Variants in PLPPR1 observed in about 807,000 individuals in gnomAD.
PLPPR1 encodes phospholipid phosphatase-related protein type 1.
PLPPR1 carries 10 observed loss-of-function variants against 33.1 expected under a neutral mutation model. The ratio of observed to expected loss-of-function variants is 0.30; its 90% CI spans 0.19 to 0.51. PLPPR1 has a LOEUF of 0.51. Ranked by LOEUF, PLPPR1 falls within the 20% of genes least tolerant of loss-of-function variation. The pLI, the probability that PLPPR1 is intolerant of heterozygous loss-of-function variation, is 0.97. For missense variants in PLPPR1, 304 were observed against 408.1 expected, an observed-to-expected ratio of 0.74 and a Z score of 2.20; for synonymous variants, 151 against 151.0, an observed-to-expected ratio of 1.00 and a Z score of 0.00.
At chr9:101,143,757 G>A (rs553379232) in intron 1 of PLPPR1, among the ~76,000 whole-genome samples, 21 of 152,190 alleles carry the variant, frequency 1.4e-4, no homozygotes, top group Non-Finnish European at 2.6e-4. Flanking sequence ...TTAGAATGGC[G>A]ATCATTAAAA....
rs774363945 is a variant in PLPPR1, at chr9:101,286,159, T to C, written c.308T>C (p.Ile103Thr). Residue 103 changes from isoleucine (I) to threonine (T), a missense_variant, in exon 4 of 8, where the codon ATT (isoleucine) becomes ACT (threonine). Transcript: ENST00000374874. Reference protein sequence around the residue: ...YFIKSTRESLIAQEKTILTGE... With the variant: ...YFIKSTRESLTAQEKTILTGE... ...ATAAAATCAACAAGAGAATCCCTGA[T>C]TGCTCAGGAGAAAACAATTCTGACC... The C allele has an allele frequency of 1.9e-6, 3 of 1,611,706 alleles. No homozygotes were observed. The highest frequency in any genetic ancestry group is 8.5e-7 in the Non-Finnish European group (1 of 1,177,832).
At chr9:101,180,684 A>C (rs956434660) in intron 1 of PLPPR1, among the ~76,000 whole-genome samples, 1 of 151,844 alleles carries the variant, frequency 6.6e-6, no homozygotes, top group Non-Finnish European at 1.5e-5. Context: ...CTGGATCTAC[A>C]CAAGCAGAAG....
In PLPPR1 at chr9:101,125,954, G is replaced by A. The variant is rs1325431394; in HGVS notation, c.-45-59496G>A. 17 of 262,800 alleles carry A rather than the reference G, an allele frequency of 6.5e-5. No individual in the cohort carries two copies. The Admixed American group carries it at 9.2e-4, about 14-fold the overall frequency. The allele number at this position is 262,800 out of a possible 1,614,324, so 16.3% of individuals were successfully genotyped here. On this transcript the variant is annotated intron_variant, in intron 1 of 7. Coordinates refer to ENST00000374874, the MANE Select transcript of PLPPR1 (RefSeq NM_207299.2). ...TCATTAAATCTGTTTTTCTCTAGCA[G>A]AGGCAGGTTAACCATGAAACTGAAG...
At chr9:101,103,286 C>T (rs1830935638) in intron 1 of PLPPR1, among the ~76,000 whole-genome samples, 1 of 94,014 alleles carries the variant, frequency 1.1e-5, no homozygotes, top group Non-Finnish European at 2.1e-5. Context: ...TTAGGTCTAA[C>T]GTTTAAATCT....
At chr9:101,165,981 C>T (rs1037989389) in intron 1 of PLPPR1, among the ~76,000 whole-genome samples, 29 of 152,196 alleles carry the variant, frequency 1.9e-4, no homozygotes, top group African/African-American at 7.0e-4. Context: ...TCATTCTTCT[C>T]TCACTCTCTG....
At chr9:101,063,673 C>T (rs894888261) in intron 1 of PLPPR1, among the ~76,000 whole-genome samples, 1 of 152,004 alleles carries the variant, frequency 6.6e-6, no homozygotes, top group African/African-American at 2.4e-5. Context: ...CTATGTTGTT[C>T]CTCTTCTAGG....
chr9:101,194,262 C>T (rs1826353419), intron 2 of PLPPR1, among the ~76,000 whole-genome samples: 1 of 152,144 alleles, frequency 6.6e-6, no homozygotes, highest in South Asian at 2.1e-4. Context: ...AACATTTTGA[C>T]ATTATTTAGT....
At chr9:101,054,750 C>T (rs904852698) in intron 1 of PLPPR1, among the ~76,000 whole-genome samples, 2 of 152,162 alleles carry the variant, frequency 1.3e-5, no homozygotes, top group South Asian at 2.1e-4. Context: ...AAATAATAAA[C>T]GAGCCTTCTT....
intron 4 of PLPPR1, 111 bp from the exon 5 acceptor site, chr9:101,309,100 T>C (rs1828907852): frequency 9.1e-7 from 1 of 1,104,700 alleles, no homozygotes; most frequent in Admixed American, 1.9e-5. Flanking sequence ...GGGGAGTACT[T>C]AGAATCATTT....
chr9:101,082,693 A>G (rs1830635516), intron 1 of PLPPR1, among the ~76,000 whole-genome samples: 3 of 152,130 alleles, frequency 2.0e-5, no homozygotes, highest in Admixed American at 6.5e-5. Context: ...CTGATTATTT[A>G]TTTGGCAAGG....
At chr9:101,090,109 A>G (rs1040472955) in intron 1 of PLPPR1, among the ~76,000 whole-genome samples, 2 of 152,142 alleles carry the variant, frequency 1.3e-5, no homozygotes, top group Non-Finnish European at 2.9e-5. Flanking sequence ...TTCACACAGC[A>G]TATTCTCCCT....
At chr9:101,094,219 A>C (rs1055293300) in intron 1 of PLPPR1, among the ~76,000 whole-genome samples, 1 of 152,208 alleles carries the variant, frequency 6.6e-6, no homozygotes, top group African/African-American at 2.4e-5. Flanking sequence ...CTAATCTCCT[A>C]TCAAGACACT....
chr9:101,046,218 T>C (rs34928680), intron 1 of PLPPR1, among the ~76,000 whole-genome samples: 2 of 152,126 alleles, frequency 1.3e-5, no homozygotes, highest in East Asian at 1.9e-4. Flanking sequence ...CCCTTTTTTT[T>C]CCCCAGAGCT....
intron 1 of PLPPR1, among the ~76,000 whole-genome samples, chr9:101,071,725 T>C (rs1337020906): frequency 1.3e-5 from 2 of 152,036 alleles, no homozygotes; most frequent in Non-Finnish European, 2.9e-5. Flanking sequence ...AAAAGAAATA[T>C]AAAGTTTAGA....
chr9:101,263,073 C>T (rs993620548), intron 2 of PLPPR1, among the ~76,000 whole-genome samples: 1 of 152,070 alleles, frequency 6.6e-6, no homozygotes, highest in African/African-American at 2.4e-5. Context: ...TTGATGGGTT[C>T]AGCAAACCAC....
chr9:101,249,999 G>C (rs1202378000), intron 2 of PLPPR1, among the ~76,000 whole-genome samples: 3 of 152,058 alleles, frequency 2.0e-5, no homozygotes, highest in Non-Finnish European at 2.9e-5. Flanking sequence ...TTTGCAATAA[G>C]AATTAAATCC....
chr9:101,229,597 A>G (rs1827141590), intron 2 of PLPPR1, among the ~76,000 whole-genome samples: 1 of 152,120 alleles, frequency 6.6e-6, no homozygotes, highest in South Asian at 2.1e-4. Context: ...ATTTATCTTT[A>G]TAATAAAAAA....
At chr9:101,257,634 G>A (rs367618768) in intron 2 of PLPPR1, among the ~76,000 whole-genome samples, 1 of 151,990 alleles carries the variant, frequency 6.6e-6, no homozygotes, top group African/African-American at 2.4e-5. Flanking sequence ...TCCACTTCTG[G>A]GTTCTTCTTT....
Position 101,236,847 on chromosome 9 carries a change from A to G in PLPPR1, c.64-33033A>G, listed in dbSNP as rs150245470. 3.1e-3 allele frequency among the ~76,000 whole-genome samples: 468 copies of G among 151,970 alleles called. 1 individual carries two copies. Among genetic ancestry groups the G allele is most frequent in the African/African-American group, 0.011 (436 of 41,522 alleles). ...AACCAAAAACAGACAAATAGGACTTAATTAAACTACAAGCCTTCTGCATAG... is the reference window on the plus strand; with the variant it reads ...AACCAAAAACAGACAAATAGGACTTGATTAAACTACAAGCCTTCTGCATAG... On this transcript the variant is annotated intron_variant, in intron 2 of 7. Coordinates refer to ENST00000374874, the MANE Select transcript of PLPPR1 (RefSeq NM_207299.2).
Sources: gnomAD v4.1 joint callset for allele counts (sites outside exome capture counted in the v4.1 genomes callset) on GRCh38, gnomAD v4.1.1 for gene constraint, MANE v1.5 for transcripts, NCBI Gene and HGNC (gene_info 2026-07-23, HGNC 2026-07-21) for gene names.